The following RNLS variants were observed in gnomAD, a reference collection of about 807,000 sequenced individuals.
RNLS encodes renalase, FAD dependent amine oxidase.
In RNLS, 39 loss-of-function variants were observed where a neutral mutation model predicts 39.8. The observed-to-expected ratio is 0.98, with a 90% CI of 0.76 to 1.28. The LOEUF (loss-of-function observed/expected upper bound fraction) is 1.28, where lower values mean the gene tolerates loss of function less well. Ranked by LOEUF, RNLS falls within the 50% of genes most tolerant of loss-of-function variation. The pLI is 0.00. For synonymous variants in RNLS, 147 were observed against 150.7 expected (o/e 0.98, Z 0.18); for missense variants, 410 against 413.3 (o/e 0.99, Z 0.07).
At chr10:88,550,526 G>A (rs574755407) in intron 4 of RNLS, among the ~76,000 whole-genome samples, 4 of 152,268 alleles carry the variant, frequency 2.6e-5, no homozygotes, top group African/African-American at 9.6e-5. Context: ...CTCAAATTCA[G>A]TGGTTGAAAA....
the RNLS span, among the ~76,000 whole-genome samples, chr10:88,208,606 A>G: frequency 6.6e-6 from 1 of 152,134 alleles, no homozygotes; most frequent in African/African-American, 2.4e-5. Flanking sequence ...TTTCAATTTC[A>G]GGGAAAAAAA....
Position 88,546,259 on chromosome 10 carries a change from T to C in RNLS, c.526+26644A>G, listed in dbSNP as rs558679109. Among the ~76,000 whole-genome samples, 81 of 152,188 alleles carry C rather than the reference T, an allele frequency of 5.3e-4. 2 individuals carry two copies. The highest frequency in any genetic ancestry group is 1.6e-3 in the African/African-American group (67 of 41,568). On this transcript the variant is annotated intron_variant, in intron 4 of 6. Transcript: ENST00000331772. ...CATATAAATATATATAGCTCCATAT[T>C]CAATCATTTATATCTATCTGATTAT...
the RNLS span, among the ~76,000 whole-genome samples, chr10:88,256,986 TA>T: frequency 6.6e-6 from 1 of 152,042 alleles, no homozygotes; most frequent in South Asian, 2.1e-4. Flanking sequence ...TGGATTTGTT[TA>T]AAAAAATGGT....
intron 4 of RNLS, among the ~76,000 whole-genome samples, chr10:88,377,858 T>C (rs1375886027): frequency 6.6e-6 from 1 of 152,232 alleles, no homozygotes; most frequent in Admixed American, 6.5e-5. Flanking sequence ...ATTTGTACTT[T>C]GTAAACTTTT....
chr10:88,401,826 A>T (rs1035743470), intron 4 of RNLS, among the ~76,000 whole-genome samples: 19 of 151,992 alleles, frequency 1.3e-4, no homozygotes, highest in Non-Finnish European at 2.9e-5. Context: ...ATGGCTGCTG[A>T]ATTGGGAGGG....
At chr10:88,494,576 T>C (rs1347037629) in intron 4 of RNLS, among the ~76,000 whole-genome samples, 4 of 152,164 alleles carry the variant, frequency 2.6e-5, no homozygotes, top group Non-Finnish European at 4.4e-5. Context: ...TCAGAAATTA[T>C]GTGTTAAGTT....
the RNLS span, among the ~76,000 whole-genome samples, chr10:88,174,498 C>T: frequency 2.2e-3 from 334 of 152,212 alleles, 2 homozygotes; most frequent in African/African-American, 7.6e-3. Flanking sequence ...CAGGCTTTTT[C>T]GGCATCTATT....
At chr10:88,449,079 C>A (rs773360920) in intron 4 of RNLS, among the ~76,000 whole-genome samples, 1 of 152,164 alleles carries the variant, frequency 6.6e-6, no homozygotes, top group South Asian at 2.1e-4. Flanking sequence ...AGCACACCAA[C>A]GTGGCACATG....
chr10:88,250,203 T>C, the RNLS span, among the ~76,000 whole-genome samples: 1 of 152,244 alleles, frequency 6.6e-6, no homozygotes, highest in African/African-American at 2.4e-5. Context: ...CTGTAGGGAC[T>C]GAGCCTTATT....
chr10:88,509,519 G>A (rs117357562), intron 4 of RNLS, among the ~76,000 whole-genome samples: 2,909 of 150,048 alleles, frequency 0.019, 46 homozygotes, highest in Middle Eastern at 0.027. Context: ...GAGGGCGGGG[G>A]AGAAGGGCAG....
At chr10:88,375,333 C>G (rs1315349728) in intron 4 of RNLS, among the ~76,000 whole-genome samples, 1 of 152,128 alleles carries the variant, frequency 6.6e-6, no homozygotes, top group Non-Finnish European at 1.5e-5. Flanking sequence ...GGACTATGAA[C>G]TAGTAAGAGT....
the RNLS span, among the ~76,000 whole-genome samples, chr10:88,196,031 C>T: frequency 6.6e-6 from 1 of 152,184 alleles, no homozygotes; most frequent in East Asian, 1.9e-4. Context: ...TTACAGATTA[C>T]AGAGGTGTAG....
intron 4 of RNLS, among the ~76,000 whole-genome samples, chr10:88,432,232 T>A (rs1589782075): frequency 6.6e-6 from 1 of 151,950 alleles, no homozygotes; most frequent in East Asian, 1.9e-4. Context: ...CTTTTAATAT[T>A]CTTTGTTCTA....
intron 3 of RNLS, among the ~76,000 whole-genome samples, chr10:88,578,520 G>A (rs951053757): frequency 6.6e-6 from 1 of 152,068 alleles, no homozygotes; most frequent in African/African-American, 2.4e-5. Flanking sequence ...AAATCCTATA[G>A]ATAATAGATC....
At chr10:88,280,816 T>C (rs1842984835), downstream of RNLS, among the ~76,000 whole-genome samples, 1 of 152,222 alleles carries the variant, frequency 6.6e-6, no homozygotes, top group African/African-American at 2.4e-5. Flanking sequence ...TAGCTTTCTA[T>C]AGCTTCTTAA....
intron 4 of RNLS, 132 bp from the exon 5 acceptor site, chr10:88,362,857 A>G (rs1849749086): frequency 1.4e-6 from 1 of 740,214 alleles, no homozygotes; most frequent in Non-Finnish European, 2.1e-6. Context: ...TGAATTTTGA[A>G]AGGTAATGTA....
chr10:88,456,861 C>T (rs1327042783), intron 4 of RNLS, among the ~76,000 whole-genome samples: 3 of 152,100 alleles, frequency 2.0e-5, no homozygotes. Context: ...TGTGGTGTAC[C>T]TCACCATCAG....
At chr10:88,338,758 CTT>C (rs36061512) in intron 5 of RNLS, among the ~76,000 whole-genome samples, 3 of 112,492 alleles carry the variant, frequency 2.7e-5, no homozygotes, top group Non-Finnish European at 3.6e-5. Context: ...GCTAGATTTC[CTT>C]TTTTTTTTTT....
intron 5 of RNLS, among the ~76,000 whole-genome samples, chr10:88,324,137 C>T (rs573460699): frequency 1.3e-5 from 2 of 151,992 alleles, no homozygotes; most frequent in Admixed American, 6.5e-5. Flanking sequence ...TTGGTGGGAA[C>T]GTAAATTAGT....
Sources: gnomAD v4.1 joint callset for allele counts (sites outside exome capture counted in the v4.1 genomes callset) on GRCh38, gnomAD v4.1.1 for gene constraint, MANE v1.5 for transcripts, NCBI Gene and HGNC (gene_info 2026-07-23, HGNC 2026-07-21) for gene names.